The following TENM1 variants were observed in gnomAD, a reference collection of about 807,000 sequenced individuals.
TENM1 encodes the protein teneurin-1.
A neutral mutation model predicts 174.8 loss-of-function variants in TENM1; 35 were observed. The observed-to-expected ratio is 0.20, with a 90% CI of 0.15 to 0.27. The LOEUF is 0.27. Ranked by LOEUF, TENM1 falls within the 10% of genes least tolerant of loss-of-function variation. The pLI is 1.00. For missense variants in TENM1, 1,633 were observed against 2,130.1 expected, an observed-to-expected ratio of 0.77 and a Z score of 4.59; for synonymous variants, 781 against 798.7, an observed-to-expected ratio of 0.98 and a Z score of 0.37.
At chrX:124,757,574 C>T (rs781053420) in intron 3 of TENM1, among the ~76,000 whole-genome samples, 35 of 112,426 alleles carry the variant, frequency 3.1e-4, no homozygotes, top group Admixed American at 2.7e-3. Flanking sequence ...AGAAATCAGC[C>T]GTCTTCTGCG....
intron 23 of TENM1, among the ~76,000 whole-genome samples, chrX:124,431,500 T>C (rs2060778482): frequency 8.9e-6 from 1 of 112,157 alleles, no homozygotes; most frequent in Non-Finnish European, 1.9e-5. Context: ...AGCTCCATGT[T>C]AGATTTTTCC....
intron 23 of TENM1, among the ~76,000 whole-genome samples, chrX:124,449,524 T>C (rs1403623706): frequency 1.8e-5 from 2 of 112,426 alleles, no homozygotes; most frequent in East Asian, 5.6e-4. Flanking sequence ...AGTTGACTGA[T>C]TGCAATACTA....
At chrX:124,850,072 T>C (rs752087059) in intron 3 of TENM1, among the ~76,000 whole-genome samples, 1 of 112,132 alleles carries the variant, frequency 8.9e-6, no homozygotes, top group South Asian at 3.7e-4. Context: ...GTGGCAAGGC[T>C]GGTAGTCAGC....
chrX:124,585,606 C>T (rs866729064), intron 11 of TENM1, among the ~76,000 whole-genome samples: 2 of 110,829 alleles, frequency 1.8e-5, no homozygotes, highest in Non-Finnish European at 3.8e-5. Flanking sequence ...AATTGACACC[C>T]TAACATCACA....
intron 1 of TENM1, among the ~76,000 whole-genome samples, chrX:124,958,652 G>C (rs114188484): frequency 9.0e-6 from 1 of 110,852 alleles, no homozygotes; most frequent in South Asian, 3.9e-4. Context: ...TAGAGCCATC[G>C]ACTTGATTTC....
chrX:124,982,476 A>G, the TENM1 span, among the ~76,000 whole-genome samples: 2 of 111,354 alleles, frequency 1.8e-5, no homozygotes, highest in South Asian at 7.6e-4. Flanking sequence ...CCAGCAGGGA[A>G]GGGAGATGCC....
At position 124,524,103 on chromosome X, in the gene TENM1, T is replaced by C. The variant is rs192625971; in HGVS notation, c.2772-478A>G. ...ATTCGTCAGGTTGTTCTTGAACTCC[T>C]GACCTTAGATGATTCACCCGCCTTG... On this transcript the variant is annotated intron_variant, in intron 16 of 31. Transcript: ENST00000422452. Among the ~76,000 whole-genome samples, 83 of 110,741 alleles carry C rather than the reference T, an allele frequency of 7.5e-4. No homozygotes were observed. The East Asian group carries it at 0.02, about 27-fold the overall frequency.
chrX:124,937,201 G>T (rs951297179), intron 1 of TENM1, among the ~76,000 whole-genome samples: 3 of 111,497 alleles, frequency 2.7e-5, no homozygotes, highest in African/African-American at 9.8e-5. Flanking sequence ...AATCAATAAT[G>T]ACTATAACTA....
upstream of TENM1, among the ~76,000 whole-genome samples, chrX:124,965,863 G>A (rs2058720055): frequency 9.0e-6 from 1 of 111,296 alleles, no homozygotes; most frequent in Non-Finnish European, 1.9e-5. Flanking sequence ...CTCAATATCT[G>A]TACTTGGGTA....
At chrX:124,538,024 T>C (rs763090988) in intron 15 of TENM1, among the ~76,000 whole-genome samples, 1 of 112,273 alleles carries the variant, frequency 8.9e-6, no homozygotes, top group African/African-American at 3.2e-5. Context: ...CATTCTTCTT[T>C]GCCCAAGAGC....
chrX:125,099,097 T>G, the TENM1 span, among the ~76,000 whole-genome samples: 1 of 112,614 alleles, frequency 8.9e-6, no homozygotes, highest in Non-Finnish European at 1.9e-5. Flanking sequence ...TGCTTAGCAG[T>G]AGAAGGCTCA....
chrX:125,178,911 GC>G, the TENM1 span, among the ~76,000 whole-genome samples: 1 of 109,835 alleles, frequency 9.1e-6, no homozygotes, highest in Non-Finnish European at 1.9e-5. Flanking sequence ...GTTCAAGGCT[GC>G]AGTGAACAAT....
intron 18 of TENM1, among the ~76,000 whole-genome samples, chrX:124,512,105 C>T (rs920422284): frequency 1.8e-5 from 2 of 111,507 alleles, no homozygotes; most frequent in Admixed American, 9.6e-5. Context: ...AAAATAAAGA[C>T]GAGGCAGAAT....
chrX:124,697,559 T>TA (rs1280521689), intron 5 of TENM1, among the ~76,000 whole-genome samples: 1 of 111,439 alleles, frequency 9.0e-6, no homozygotes, highest in Non-Finnish European at 1.9e-5. Context: ...GACTTAGTCT[T>TA]AGTACTTCTT....
the TENM1 span, among the ~76,000 whole-genome samples, chrX:125,025,253 C>A: frequency 4.5e-5 from 5 of 110,532 alleles, no homozygotes; most frequent in African/African-American, 1.6e-4. Context: ...TGTATACATA[C>A]TATTGTGTTT....
At chrX:125,010,416 T>C in the TENM1 span, among the ~76,000 whole-genome samples, 10 of 109,313 alleles carry the variant, frequency 9.1e-5, no homozygotes, top group African/African-American at 3.3e-4. Flanking sequence ...TTCTCAGGGA[T>C]AGGAAGAATC....
chrX:125,013,380 G>T, the TENM1 span, among the ~76,000 whole-genome samples: 1 of 111,626 alleles, frequency 9.0e-6, no homozygotes, highest in Non-Finnish European at 1.9e-5. Context: ...GCATTTTAAA[G>T]TGAATCTGAT....
In TENM1 at chrX:124,420,541, G is replaced by A. The variant is rs199941877; in HGVS notation, c.4752C>T (p.Gly1584=). The A allele has an allele frequency of 2.2e-5, 27 of 1,210,794 alleles. No individual in the cohort carries two copies. In the East Asian group the frequency reaches 4.7e-4, roughly 21 times the overall value. ...AATTGCCATTGCTGCTGGTAATCGC[G>A]CCCAAGTCACCTTCAGAATTGTAGG... The change falls in exon 25 of 32, where the codon GGC becomes GGT. Residue 1584 remains glycine, a synonymous_variant. Transcript: ENST00000422452.
chrX:125,084,293 G>A, the TENM1 span, among the ~76,000 whole-genome samples: 1 of 110,142 alleles, frequency 9.1e-6, no homozygotes, highest in East Asian at 2.9e-4. Context: ...ACTATCTCCT[G>A]GGAACTGTGC....
Sources: allele counts gnomAD v4.1 joint callset (sites outside exome capture counted in the v4.1 genomes callset), GRCh38; gene constraint gnomAD v4.1.1; transcripts MANE v1.5; gene names NCBI Gene and HGNC (gene_info 2026-07-23, HGNC 2026-07-21).